The following RIN3 variants were observed in gnomAD, a reference collection of about 807,000 sequenced individuals.
The protein encoded by RIN3 is Ras and Rab interactor 3.
In RIN3, 54 loss-of-function variants were observed where a neutral mutation model predicts 76.3. The observed-to-expected ratio is 0.71, with a 90% CI of 0.57 to 0.89. RIN3 has a LOEUF of 0.89. Ranked by LOEUF, RIN3 falls within the 40% of genes least tolerant of loss-of-function variation. The pLI, the probability that RIN3 is intolerant of heterozygous loss-of-function variation, is 0.00. For missense variants in RIN3, 1,256 were observed against 1,322.1 expected (o/e 0.95, Z 0.78); for synonymous variants, 576 against 564.0 (o/e 1.02, Z -0.30).
intron 1 of RIN3, among the ~76,000 whole-genome samples, chr14:92,538,589 T>C (rs139042538): frequency 2.6e-5 from 4 of 152,302 alleles, no homozygotes; most frequent in African/African-American, 7.2e-5. Context: ...CATCTTTGTC[T>C]GTTAAGCTTC....
At chr14:92,583,073 C>T (rs938208710) in intron 3 of RIN3, among the ~76,000 whole-genome samples, 1 of 152,170 alleles carries the variant, frequency 6.6e-6, no homozygotes, top group African/African-American at 2.4e-5. Flanking sequence ...GCCGCCATCA[C>T]AGGGCACTGG....
At chr14:92,619,435 CTTTTTTTT>C (rs33981976) in intron 4 of RIN3, among the ~76,000 whole-genome samples, 1 of 73,140 alleles carries the variant, frequency 1.4e-5, no homozygotes, top group Non-Finnish European at 2.6e-5. Flanking sequence ...TTCTAGTAGT[CTTTTTTTT>C]TTTTTTTTTT....
At chr14:92,564,778 A>G (rs1380967396) in intron 2 of RIN3, among the ~76,000 whole-genome samples, 4 of 152,186 alleles carry the variant, frequency 2.6e-5, no homozygotes, top group Non-Finnish European at 5.9e-5. Flanking sequence ...GAGGGTCCCT[A>G]ATGCAATGCA....
intron 7 of RIN3, among the ~76,000 whole-genome samples, chr14:92,662,419 C>T (rs1235303145): frequency 6.6e-6 from 1 of 152,256 alleles, no homozygotes; most frequent in Non-Finnish European, 1.5e-5. Flanking sequence ...GTCCAGGCTT[C>T]CTTGCCGGCT....
chr14:92,647,316 A>T (rs889611593), intron 5 of RIN3, among the ~76,000 whole-genome samples: 1 of 152,198 alleles, frequency 6.6e-6, no homozygotes, highest in Non-Finnish European at 1.5e-5. Flanking sequence ...GGACTTTAAG[A>T]GCTTACCAGT....
intron 1 of RIN3, among the ~76,000 whole-genome samples, chr14:92,540,677 G>A (rs960880932): frequency 1.6e-4 from 25 of 152,202 alleles, no homozygotes; most frequent in African/African-American, 4.3e-4. Context: ...CTTCACACAC[G>A]TCTAGGAAGA....
intron 8 of RIN3, among the ~76,000 whole-genome samples, chr14:92,679,044 AG>A (rs1888575231): frequency 1.3e-5 from 2 of 152,298 alleles, no homozygotes; most frequent in South Asian, 2.1e-4. Flanking sequence ...CCAGAAGCCT[AG>A]GGGATTTGGG....
chr14:92,627,449 C>A (rs901203961), intron 4 of RIN3, among the ~76,000 whole-genome samples: 1 of 152,224 alleles, frequency 6.6e-6, no homozygotes, highest in Non-Finnish European at 1.5e-5. Context: ...GACCCACTCA[C>A]CCCGGACAGC....
Position 92,652,855 on chromosome 14 carries a change from C to A in RIN3, c.1806C>A (p.Tyr602Ter). Residue 602 changes from tyrosine to a stop codon, truncating the protein, a stop_gained, in exon 6 of 10, where the codon TAC (tyrosine) becomes TAA (stop). Coordinates refer to ENST00000216487, the MANE Select transcript of RIN3 (RefSeq NM_024832.5). LOFTEE classifies it high-confidence loss of function. This position sits in a 1 kb window ranked among gnomAD's most constrained non-coding sequence, Gnocchi z 6.4. ...HAFLSNNRKL[Y>*]KKVVELAQDK... ...TCCTCTCCAACAACCGCAAGCTGTACAAGAAGGTGGTGGAGCTGGCGCAGG... is the reference window on the plus strand; with the variant it reads ...TCCTCTCCAACAACCGCAAGCTGTAAAAGAAGGTGGTGGAGCTGGCGCAGG... 1 of 1,614,102 alleles carries A rather than the reference C, an allele frequency of 6.2e-7. No individual in the cohort carries two copies. Among genetic ancestry groups the A allele is most frequent in the Non-Finnish European group, 8.5e-7 (1 of 1,180,030 alleles).
At chr14:92,538,319 C>G (rs1252423524) in intron 1 of RIN3, among the ~76,000 whole-genome samples, 2 of 152,198 alleles carry the variant, frequency 1.3e-5, no homozygotes, top group Non-Finnish European at 2.9e-5. Flanking sequence ...TTGTATGAGG[C>G]TGAACATCCC....
chr14:92,665,898 C>T (rs982854817), intron 7 of RIN3, among the ~76,000 whole-genome samples: 1 of 152,154 alleles, frequency 6.6e-6, no homozygotes, highest in Admixed American at 6.5e-5. Flanking sequence ...TCATACCTTC[C>T]CCTGGCAGGT....
intron 4 of RIN3, among the ~76,000 whole-genome samples, chr14:92,622,603 G>A (rs867222074): frequency 2.0e-5 from 3 of 152,174 alleles, no homozygotes; most frequent in African/African-American, 4.8e-5. Context: ...TATCCCTAAC[G>A]CAGACCCTGT....
intron 4 of RIN3, among the ~76,000 whole-genome samples, chr14:92,619,861 C>T (rs1027213649): frequency 1.3e-5 from 2 of 152,206 alleles, no homozygotes; most frequent in Non-Finnish European, 2.9e-5. Flanking sequence ...CCTTACCTAG[C>T]TGGAAAGCAG....
chr14:92,646,733 T>G (rs376256775), intron 5 of RIN3, among the ~76,000 whole-genome samples: 46 of 152,142 alleles, frequency 3.0e-4, no homozygotes, highest in African/African-American at 1.1e-3. Context: ...GAGCCACAGC[T>G]CCCGGCCATG....
intron 7 of RIN3, among the ~76,000 whole-genome samples, chr14:92,670,219 G>C (rs1300427742): frequency 2.0e-5 from 3 of 152,124 alleles, no homozygotes; most frequent in African/African-American, 7.2e-5. Context: ...TCTCCCAGTG[G>C]ATGAAATATG....
At chr14:92,629,117 AAGAGAGAGAGAG>A (rs58288914) in intron 4 of RIN3, among the ~76,000 whole-genome samples, 76,561 of 145,250 alleles carry the variant, frequency 0.53, 20,863 homozygotes, top group Non-Finnish European at 0.61. Flanking sequence ...CGGAAAGGAA[AAGAGAGAGAGAG>A]AGAGAGAGAG....
chr14:92,606,269 T>G (rs994891338), intron 3 of RIN3, among the ~76,000 whole-genome samples: 1 of 151,962 alleles, frequency 6.6e-6, no homozygotes, highest in Non-Finnish European at 1.5e-5. Flanking sequence ...CCAGGTGCAG[T>G]GGCTTATACC....
intron 2 of RIN3, among the ~76,000 whole-genome samples, chr14:92,561,462 A>T (rs902018622): frequency 6.6e-6 from 1 of 151,120 alleles, no homozygotes; most frequent in African/African-American, 2.4e-5. Context: ...GCAACCAAAT[A>T]GCCACCTTTA....
In RIN3 at chr14:92,615,458, T is replaced by G; in HGVS notation, c.419T>G (p.Ile140Ser). The G allele has an allele frequency of 6.2e-7, 1 of 1,614,142 alleles. No individual in the cohort carries two copies. Among genetic ancestry groups the G allele is most frequent in the African/African-American group, 1.3e-5 (1 of 75,036 alleles). ...ALVFEDIFRL[I>S]AFYCVSRDLL... is the part of the protein sequence containing the mutation. ...GTGTTTGAGGACATCTTCAGATTGA[T>G]TGCGTTCTACTGTGTCAGTAGGTGA... The change falls in exon 4 of 10, where the codon ATT becomes AGT. Residue 140 changes from isoleucine (I) to serine (S), a missense_variant. Around this residue, in one of 3 missense-constraint regions of RIN3, gnomAD observed 610 missense variants for 626.4 expected, o/e 0.97. Coordinates refer to ENST00000216487, the MANE Select transcript of RIN3 (RefSeq NM_024832.5).
Sources: gnomAD v4.1 joint callset for allele counts (sites outside exome capture counted in the v4.1 genomes callset) on GRCh38, gnomAD v4.1.1 for gene constraint, gnomAD v4.1.1 regional missense constraint, Gnocchi (gnomAD v3.1) non-coding constraint, MANE v1.5 for transcripts, NCBI Gene and HGNC (gene_info 2026-07-23, HGNC 2026-07-21) for gene names.